The following KCNMA1 variants were observed in gnomAD, a reference collection of about 807,000 sequenced individuals.
KCNMA1 encodes the protein Calcium-activated potassium channel subunit alpha-1.
In KCNMA1, 29 loss-of-function variants were observed where a neutral mutation model predicts 140.0. The ratio of observed to expected loss-of-function variants is 0.21; its 90% CI spans 0.15 to 0.28. The LOEUF (loss-of-function observed/expected upper bound fraction) is 0.28, where lower values mean the gene tolerates loss of function less well. KCNMA1 is among the 10% of genes least tolerant of loss of function. The pLI is 1.00. For synonymous variants in KCNMA1, 612 were observed against 611.9 expected (o/e 1.00, Z 0.00); for missense variants, 880 against 1,602.2 (o/e 0.55, Z 7.70).
In KCNMA1 at chr10:77,073,261, A is replaced by G; in HGVS notation, c.1594-9T>C. 1 of 1,614,078 alleles carries G rather than the reference A, an allele frequency of 6.2e-7. No homozygotes were observed. Among genetic ancestry groups the G allele is most frequent in the Non-Finnish European group, 8.5e-7 (1 of 1,179,916 alleles). On this transcript the variant is annotated splice_polypyrimidine_tract_variant and intron_variant, in intron 13 of 27. Transcript: ENST00000286628. ...ATGTTTAGCAGATGGGCCTGGGGAA[A>G]GAAAAGCAGGTATGAGACCTTGCTC... is the stretch of plus-strand genomic sequence containing the variant.
At chr10:77,387,575 T>C (rs11002145) in intron 2 of KCNMA1, among the ~76,000 whole-genome samples, 1 of 149,780 alleles carries the variant, frequency 6.7e-6, no homozygotes, top group African/African-American at 2.5e-5. Context: ...TCTTTTCTTT[T>C]TTTTCTTTTC....
chr10:76,911,817 T>C (rs1162283690), intron 24 of KCNMA1: 1 of 152,260 alleles, frequency 6.6e-6, no homozygotes, highest in African/African-American at 2.4e-5. Flanking sequence ...CTGTTTAGTC[T>C]TTCTGTTTTG....
chr10:77,417,058 C>G (rs768937631), intron 1 of KCNMA1, among the ~76,000 whole-genome samples: 13 of 152,174 alleles, frequency 8.5e-5, no homozygotes, highest in Non-Finnish European at 1.5e-4. Flanking sequence ...GACTGCCACA[C>G]CTCCGTGCTG....
intron 4 of KCNMA1, among the ~76,000 whole-genome samples, chr10:77,184,474 C>A (rs1380854935): frequency 6.6e-6 from 1 of 152,202 alleles, no homozygotes; most frequent in East Asian, 1.9e-4. Context: ...CCCGCCTCAG[C>A]CTCCCAAAGC....
intron 5 of KCNMA1, among the ~76,000 whole-genome samples, chr10:77,126,815 G>T (rs1207789689): frequency 6.7e-6 from 1 of 148,858 alleles, no homozygotes; most frequent in Non-Finnish European, 1.5e-5. Flanking sequence ...TTTCCTGTGG[G>T]ATGGGTTGAG....
chr10:77,175,435 GACTC>G (rs914335199), intron 5 of KCNMA1, among the ~76,000 whole-genome samples: 3 of 152,160 alleles, frequency 2.0e-5, no homozygotes, highest in South Asian at 2.1e-4. Flanking sequence ...ATCCTAAGAA[GACTC>G]ACTCATTCAT....
At chr10:76,936,512 G>T (rs1022460364) in intron 23 of KCNMA1, among the ~76,000 whole-genome samples, 2 of 152,180 alleles carry the variant, frequency 1.3e-5, no homozygotes, top group Non-Finnish European at 2.9e-5. Flanking sequence ...GCTGAGCTTT[G>T]TTCGTTTAGT....
At chr10:77,137,737 C>T (rs2098078212) in intron 5 of KCNMA1, among the ~76,000 whole-genome samples, 1 of 152,198 alleles carries the variant, frequency 6.6e-6, no homozygotes, top group Non-Finnish European at 1.5e-5. Context: ...GACCTTTTCA[C>T]CATCCTTTCC....
At chr10:76,927,568 C>T (rs987076354) in intron 23 of KCNMA1, among the ~76,000 whole-genome samples, 5 of 152,080 alleles carry the variant, frequency 3.3e-5, no homozygotes, top group Non-Finnish European at 5.9e-5. Flanking sequence ...ATAAAGTAAG[C>T]GATTAGCAGC....
chr10:77,496,596 CAAAAAAAAAAAAAAA>C (rs201304328), intron 1 of KCNMA1, among the ~76,000 whole-genome samples: 17 of 63,004 alleles, frequency 2.7e-4, no homozygotes, highest in Admixed American at 5.1e-4. Context: ...GACACTGTCT[CAAAAAAAAAAAAAAA>C]AAAAAAAAAA....
chr10:77,051,570 A>G (rs1382488647), intron 14 of KCNMA1, among the ~76,000 whole-genome samples: 2 of 152,238 alleles, frequency 1.3e-5, no homozygotes, highest in African/African-American at 4.8e-5. Flanking sequence ...CATCAAAAAG[A>G]CATTTGGTTC....
chr10:76,984,274 C>T (rs1448708767), intron 19 of KCNMA1, among the ~76,000 whole-genome samples: 2 of 151,964 alleles, frequency 1.3e-5, no homozygotes, highest in Non-Finnish European at 2.9e-5. Context: ...GCAATCTTGG[C>T]TCACTGCAAC....
At chr10:77,039,891 T>TTC (rs2094562831) in intron 14 of KCNMA1, among the ~76,000 whole-genome samples, 1 of 132,656 alleles carries the variant, frequency 7.5e-6, no homozygotes, top group South Asian at 2.6e-4. Context: ...TTCTTTTTTT[T>TTC]TTTTTTTTTT....
At chr10:76,968,274 A>G (rs2074741532) in intron 20 of KCNMA1, among the ~76,000 whole-genome samples, 1 of 152,096 alleles carries the variant, frequency 6.6e-6, no homozygotes, top group Non-Finnish European at 1.5e-5. Context: ...TCCACCTCAT[A>G]CAGAAGACCT....
At chr10:77,560,822 T>C (rs748590337) in intron 1 of KCNMA1, among the ~76,000 whole-genome samples, 1 of 152,246 alleles carries the variant, frequency 6.6e-6, no homozygotes, top group Admixed American at 6.5e-5. Context: ...TCTCTCTTTA[T>C]AAAGTCTCAA....
chr10:77,186,424 G>T (rs2154130793), intron 3 of KCNMA1, among the ~76,000 whole-genome samples: 1 of 152,086 alleles, frequency 6.6e-6, no homozygotes, highest in Non-Finnish European at 1.5e-5. Flanking sequence ...TAGGGAATTG[G>T]GTAGAAAGAC....
intron 15 of KCNMA1, among the ~76,000 whole-genome samples, chr10:77,031,255 G>T (rs1421977735): frequency 6.6e-6 from 1 of 152,206 alleles, no homozygotes; most frequent in African/African-American, 2.4e-5. Flanking sequence ...GCCAACAAGT[G>T]AATTCACATA....
intron 6 of KCNMA1, among the ~76,000 whole-genome samples, chr10:77,114,507 A>G (rs1379670374): frequency 1.3e-5 from 2 of 152,154 alleles, no homozygotes; most frequent in Non-Finnish European, 2.9e-5. Context: ...AGTCTCTCCC[A>G]CCACCCCTCT....
At chr10:77,086,432 C>G (rs1040034186) in intron 11 of KCNMA1, 56 bp downstream of exon 11, 1 of 1,302,060 alleles carries the variant, frequency 7.7e-7, no homozygotes, top group Non-Finnish European at 1.1e-6. Context: ...AGTCAGGACT[C>G]CCCCCAGACC....
Sources: gnomAD v4.1 joint callset for allele counts (sites outside exome capture counted in the v4.1 genomes callset) on GRCh38, gnomAD v4.1.1 for gene constraint, MANE v1.5 for transcripts, NCBI Gene and HGNC (gene_info 2026-07-23, HGNC 2026-07-21) for gene names.